Variants in FHIT observed in about 807,000 individuals in gnomAD.
FHIT encodes the protein bis(5'-adenosyl)-triphosphatase.
Under a neutral mutation model 17.9 loss-of-function variants are expected in FHIT, and 19 were observed. The observed-to-expected ratio is 1.06, with a 90% CI of 0.74 to 1.56. The LOEUF is 1.56. Among genes scored for constraint, FHIT ranks in the 40% most tolerant of loss-of-function variants. The probability of loss-of-function intolerance (pLI) is 0.00; values close to 1 mark genes in which losing one functional copy is unlikely to be tolerated. For synonymous variants in FHIT, 81 were observed against 69.7 expected, an observed-to-expected ratio of 1.16 and a Z score of -0.81; for missense variants, 248 against 189.2, an observed-to-expected ratio of 1.31 and a Z score of -1.82.
intron 5 of FHIT, among the ~76,000 whole-genome samples, chr3:60,337,296 A>C (rs1486878745): frequency 6.6e-6 from 1 of 152,112 alleles, no homozygotes; most frequent in Non-Finnish European, 1.5e-5. Flanking sequence ...GGGAGTTAAA[A>C]CAGTTAAATA....
At chr3:60,411,325 C>G (rs962590360) in intron 5 of FHIT, among the ~76,000 whole-genome samples, 3 of 152,130 alleles carry the variant, frequency 2.0e-5, no homozygotes, top group African/African-American at 7.2e-5. Context: ...AAGAAAACAG[C>G]ATTCATTGTA....
intron 3 of FHIT, among the ~76,000 whole-genome samples, chr3:60,831,354 G>T (rs115712551): frequency 0.069 from 10,518 of 152,194 alleles, 1,187 homozygotes; most frequent in African/African-American, 0.24. Context: ...TATAATGCAA[G>T]ACTAAGAGAG....
chr3:60,915,421 T>C (rs782801446), intron 3 of FHIT, among the ~76,000 whole-genome samples: 4 of 152,190 alleles, frequency 2.6e-5, no homozygotes, highest in Non-Finnish European at 5.9e-5. Flanking sequence ...ATTTAACTTC[T>C]ATTTGTTGTT....
At chr3:60,481,141 A>C (rs2033590337) in intron 5 of FHIT, among the ~76,000 whole-genome samples, 1 of 152,198 alleles carries the variant, frequency 6.6e-6, no homozygotes, top group Admixed American at 6.5e-5. Context: ...AATGAAGAGG[A>C]GTGAACAAAA....
intron 5 of FHIT, among the ~76,000 whole-genome samples, chr3:60,031,543 T>G (rs1054189436): frequency 3.3e-5 from 5 of 152,212 alleles, no homozygotes; most frequent in Non-Finnish European, 5.9e-5. Context: ...AAATAAACTC[T>G]TATCAGTAAC....
At chr3:60,353,603 A>AAATC (rs1699515216) in intron 5 of FHIT, among the ~76,000 whole-genome samples, 1 of 152,178 alleles carries the variant, frequency 6.6e-6, no homozygotes, top group African/African-American at 2.4e-5. Context: ...AATCAAACAA[A>AAATC]AAAGTGAGAT....
chr3:60,369,428 CTG>C (rs1232427461), intron 5 of FHIT, among the ~76,000 whole-genome samples: 1 of 152,200 alleles, frequency 6.6e-6, no homozygotes, highest in Non-Finnish European at 1.5e-5. Flanking sequence ...CATCTTCCAT[CTG>C]TTTCCAGTGA....
At chr3:61,224,357 A>C (rs1053226222) in intron 1 of FHIT, among the ~76,000 whole-genome samples, 1 of 152,182 alleles carries the variant, frequency 6.6e-6, no homozygotes. Context: ...ATTTGTTTTC[A>C]AGCTGTGGCT....
chr3:60,846,837 T>A (rs1431845924), intron 3 of FHIT, among the ~76,000 whole-genome samples: 2 of 152,114 alleles, frequency 1.3e-5, no homozygotes, highest in Non-Finnish European at 2.9e-5. Flanking sequence ...TTTTTTTTTT[T>A]CTTTGAGATG....
At chr3:61,074,977 G>C (rs904273510) in intron 2 of FHIT, among the ~76,000 whole-genome samples, 2 of 152,186 alleles carry the variant, frequency 1.3e-5, no homozygotes, top group Non-Finnish European at 2.9e-5. Flanking sequence ...GCCAAGCTAG[G>C]TTCAGTCTCA....
chr3:60,711,907 C>T (rs1192885059), intron 4 of FHIT, among the ~76,000 whole-genome samples: 1 of 152,106 alleles, frequency 6.6e-6, no homozygotes, highest in Non-Finnish European at 1.5e-5. Context: ...CATTCAGATT[C>T]AGGAAATACA....
chr3:60,271,764 C>G (rs1706876392), intron 5 of FHIT, among the ~76,000 whole-genome samples: 2 of 152,154 alleles, frequency 1.3e-5, no homozygotes, highest in African/African-American at 4.8e-5. Flanking sequence ...GATAGTTATT[C>G]ATTTTTGCAG....
intron 5 of FHIT, among the ~76,000 whole-genome samples, chr3:60,086,254 A>G (rs1449199344): frequency 1.3e-5 from 2 of 152,156 alleles, no homozygotes; most frequent in African/African-American, 4.8e-5. Flanking sequence ...TCTATTCATG[A>G]AGGATCTGCC....
At chr3:60,259,636 A>G (rs1340967656) in intron 5 of FHIT, among the ~76,000 whole-genome samples, 1 of 152,134 alleles carries the variant, frequency 6.6e-6, no homozygotes, top group Non-Finnish European at 1.5e-5. Flanking sequence ...GGAGCTAAGT[A>G]CTATTATTAT....
intron 5 of FHIT, among the ~76,000 whole-genome samples, chr3:60,151,156 T>A (rs77233951): frequency 1.3e-5 from 2 of 152,132 alleles, no homozygotes; most frequent in Non-Finnish European, 2.9e-5. Context: ...ATTACAGCTT[T>A]GAAATTCTGT....
chr3:59,863,601 G>A (rs1434149319), intron 8 of FHIT, among the ~76,000 whole-genome samples: 1 of 152,140 alleles, frequency 6.6e-6, no homozygotes, highest in East Asian at 1.9e-4. Flanking sequence ...TCTACTCCCT[G>A]TGTCTAGCTC....
At chr3:60,016,222 C>T (rs1223250250) in intron 5 of FHIT, among the ~76,000 whole-genome samples, 1 of 152,190 alleles carries the variant, frequency 6.6e-6, no homozygotes, top group African/African-American at 2.4e-5. Context: ...TTATCCAGTA[C>T]ATATCATGTG....
At chr3:60,191,630 G>T (rs143410721) in intron 5 of FHIT, among the ~76,000 whole-genome samples, 125 of 152,226 alleles carry the variant, frequency 8.2e-4, no homozygotes, top group Admixed American at 2.1e-3. Context: ...GCAAATTCAT[G>T]AGGCCAGATG....
chr3:60,896,424 G>T (rs1553761981), intron 3 of FHIT, among the ~76,000 whole-genome samples: 1 of 152,084 alleles, frequency 6.6e-6, no homozygotes, highest in Non-Finnish European at 1.5e-5. Flanking sequence ...CCATCCAATA[G>T]CTCAGGCTCT....
Sources: gnomAD v4.1 joint callset for allele counts (sites outside exome capture counted in the v4.1 genomes callset) on GRCh38, gnomAD v4.1.1 for gene constraint, MANE v1.5 for transcripts, NCBI Gene and HGNC (gene_info 2026-07-23, HGNC 2026-07-21) for gene names.